The following CDK19 variants were observed in gnomAD, a reference collection of about 807,000 sequenced individuals.
The protein encoded by CDK19 is cyclin dependent kinase 19, also known as cyclin-dependent kinase 19.
CDK19 carries 20 observed loss-of-function variants against 68.3 expected under a neutral mutation model. The observed-to-expected ratio is 0.29, with a 90% CI of 0.21 to 0.43. The LOEUF (loss-of-function observed/expected upper bound fraction) is 0.43. Ranked by LOEUF, CDK19 falls within the 20% of genes least tolerant of loss-of-function variation. The pLI, the probability that CDK19 is intolerant of heterozygous loss-of-function variation, is 1.00. For missense variants in CDK19, 339 were observed against 623.5 expected (o/e 0.54, Z 4.86); for synonymous variants, 221 against 222.8 (o/e 0.99, Z 0.07).
rs145905730 is a variant in CDK19, at chr6:110,753,022, G to A, written c.129-6821C>T. ...TCAACTCACTGCAGCCTCGACCTCC[G>A]GGCTCAGATGATCCTCCCACCTCAG... is the stretch of plus-strand genomic sequence containing the variant. On this transcript the variant is annotated intron_variant, in intron 1 of 12. Transcript: ENST00000368911. Among the ~76,000 whole-genome samples the A allele has an allele frequency of 4.8e-3, 728 of 151,174 alleles. 7 individuals are homozygous for A. The highest frequency in any genetic ancestry group is 0.017 in the African/African-American group (694 of 41,204).
chr6:110,805,725 T>C (rs751440020), intron 1 of CDK19, among the ~76,000 whole-genome samples: 1 of 152,206 alleles, frequency 6.6e-6, no homozygotes. Context: ...TTGTCTAGCA[T>C]ATTAAGTTCA....
At chr6:110,775,117 C>A (rs184318690) in intron 1 of CDK19, among the ~76,000 whole-genome samples, 6 of 152,048 alleles carry the variant, frequency 3.9e-5, no homozygotes, top group Admixed American at 3.9e-4. Flanking sequence ...TGGTGGCATG[C>A]GCCTGTAGTC....
intron 2 of CDK19, among the ~76,000 whole-genome samples, chr6:110,711,347 T>C (rs985021360): frequency 6.6e-6 from 1 of 152,218 alleles, no homozygotes; most frequent in East Asian, 1.9e-4. Flanking sequence ...AAAGAAGAGC[T>C]TGGCTTGACA....
intron 4 of CDK19, among the ~76,000 whole-genome samples, chr6:110,643,003 A>T (rs1760063761): frequency 6.6e-6 from 1 of 152,238 alleles, no homozygotes; most frequent in Non-Finnish European, 1.5e-5. Context: ...AGTTAAGGAA[A>T]GGCAAGGTAG....
chr6:110,689,336 CA>C (rs1772776387), intron 2 of CDK19, among the ~76,000 whole-genome samples: 1 of 152,098 alleles, frequency 6.6e-6, no homozygotes, highest in Non-Finnish European at 1.5e-5. Context: ...TAGCTTAACA[CA>C]AAAGACAAAA....
rs1778799480 is a variant in CDK19, at chr6:110,622,822, T to C, written c.1024A>G (p.Thr342Ala). 1.2e-6 allele frequency: 2 copies of C among 1,601,014 alleles called. No individual in the cohort carries two copies. The highest frequency in any genetic ancestry group is 1.7e-6 in the Non-Finnish European group (2 of 1,167,958). The change falls in exon 10 of 13, where the codon ACA becomes GCA. Residue 342 changes from threonine to alanine, a missense_variant. Coordinates refer to ENST00000368911, the MANE Select transcript of CDK19 (RefSeq NM_015076.5). The part of the protein sequence containing the change: ...DPYFQEDPLP[T>A]LDVFAGCQIP... The stretch of plus-strand genomic sequence containing the variant: ...AAAAGACAGGATACATACTCTAATG[T>C]TGGCAAAGGGTCCTCCTGAAAATAG...
chr6:110,716,001 T>C (rs1016663459), intron 2 of CDK19, among the ~76,000 whole-genome samples: 1 of 152,168 alleles, frequency 6.6e-6, no homozygotes, highest in African/African-American at 2.4e-5. Flanking sequence ...ACGCATTTTC[T>C]GTCTGGAAGG....
intron 4 of CDK19, among the ~76,000 whole-genome samples, chr6:110,664,161 C>T (rs1284446123): frequency 6.6e-6 from 1 of 152,160 alleles, no homozygotes; most frequent in African/African-American, 2.4e-5. Flanking sequence ...TTTGAGCCAA[C>T]CAGAACTGCA....
chr6:110,663,522 T>G (rs1340084923), intron 4 of CDK19, among the ~76,000 whole-genome samples: 2 of 151,386 alleles, frequency 1.3e-5, no homozygotes. Context: ...AGATTCCTGT[T>G]GGTTCAAAGT....
chr6:110,659,797 GT>G (rs1232360124), intron 4 of CDK19, among the ~76,000 whole-genome samples: 2 of 152,132 alleles, frequency 1.3e-5, no homozygotes, highest in Non-Finnish European at 2.9e-5. Context: ...ACTGAACAAT[GT>G]TTCTAAAAGG....
Position 110,667,592 on chromosome 6 carries a change from A to C in CDK19, c.316-18T>G, listed in dbSNP as rs9386933. Reference sequence around the variant, plus strand: ...ATAATATGCTAAAAATTAAAAAAAAACATAATAATATAGTCTTTGCTAATA... The same window carrying C: ...ATAATATGCTAAAAATTAAAAAAAACCATAATAATATAGTCTTTGCTAATA... On this transcript the variant is annotated intron_variant, in intron 3 of 12. Transcript: ENST00000368911. The C allele has an allele frequency of 1.6e-5, 22 of 1,345,696 alleles. No homozygotes were observed. The highest frequency in any genetic ancestry group is 9.0e-5 in the African/African-American group (6 of 66,886). The allele number at this position is 1,345,696 out of a possible 1,614,324, so 83.4% of individuals were successfully genotyped here.
intron 6 of CDK19, among the ~76,000 whole-genome samples, chr6:110,628,091 G>T (rs924216482): frequency 4.6e-5 from 7 of 152,024 alleles, no homozygotes; most frequent in African/African-American, 1.7e-4. Flanking sequence ...CACGCCTGTA[G>T]TCCCAGCTAC....
chr6:110,617,658 T>TACACAC (rs1215973435), intron 12 of CDK19, among the ~76,000 whole-genome samples: 9 of 69,050 alleles, frequency 1.3e-4, no homozygotes, highest in African/African-American at 2.5e-4. Context: ...TATTTATATA[T>TACACAC]ATATACACAC....
At chr6:110,774,151 G>C (rs1232136010) in intron 1 of CDK19, among the ~76,000 whole-genome samples, 1 of 152,098 alleles carries the variant, frequency 6.6e-6, no homozygotes, top group Non-Finnish European at 1.5e-5. Flanking sequence ...ACCAAAAGTT[G>C]AGCCTTAACT....
chr6:110,797,138 A>G (rs1781993543), intron 1 of CDK19, among the ~76,000 whole-genome samples: 2 of 151,786 alleles, frequency 1.3e-5, no homozygotes, highest in African/African-American at 4.8e-5. Context: ...TCAGGAGTTC[A>G]AGATCAGCCT....
At chr6:110,776,382 T>C (rs1226031103) in intron 1 of CDK19, among the ~76,000 whole-genome samples, 2 of 151,084 alleles carry the variant, frequency 1.3e-5, no homozygotes, top group Admixed American at 1.3e-4. Flanking sequence ...TGAGCCGAGA[T>C]CGTGCCACTG....
At chr6:110,681,605 G>C (rs531185546) in intron 2 of CDK19, among the ~76,000 whole-genome samples, 1 of 152,262 alleles carries the variant, frequency 6.6e-6, no homozygotes, top group Admixed American at 6.5e-5. Context: ...ACAGTGAAAG[G>C]AGATGGCCAT....
intron 1 of CDK19, among the ~76,000 whole-genome samples, chr6:110,798,442 T>C (rs1782102648): frequency 6.6e-6 from 1 of 151,828 alleles, no homozygotes; most frequent in Admixed American, 6.6e-5. Context: ...CTGGCCAACA[T>C]GGTGAAACCC....
At chr6:110,649,424 T>C (rs536581643) in intron 4 of CDK19, among the ~76,000 whole-genome samples, 1 of 152,184 alleles carries the variant, frequency 6.6e-6, no homozygotes, top group African/African-American at 2.4e-5. Flanking sequence ...TGGAAAAAAA[T>C]ATAGAACATC....
Sources: allele counts gnomAD v4.1 joint callset (sites outside exome capture counted in the v4.1 genomes callset), GRCh38; gene constraint gnomAD v4.1.1; transcripts MANE v1.5; gene names NCBI Gene and HGNC (gene_info 2026-07-23, HGNC 2026-07-21).